COL8A1: variants seen among roughly 807,000 people sequenced by gnomAD.
The protein encoded by COL8A1 is collagen alpha-1(VIII) chain.
Under a neutral mutation model 42.7 loss-of-function variants are expected in COL8A1, and 21 were observed. The observed-to-expected ratio is 0.49, with a 90% CI of 0.35 to 0.71. COL8A1 has a LOEUF of 0.71. COL8A1 is among the 30% of genes least tolerant of loss of function. The probability of loss-of-function intolerance (pLI) is 0.01; values close to 1 mark genes in which losing one functional copy is unlikely to be tolerated. For synonymous variants in COL8A1, 367 were observed against 369.1 expected, an observed-to-expected ratio of 0.99 and a Z score of 0.06; for missense variants, 788 against 962.4, an observed-to-expected ratio of 0.82 and a Z score of 2.40.
chr3:99,754,970 G>C (rs1289583669), intron 2 of COL8A1, among the ~76,000 whole-genome samples: 1 of 152,132 alleles, frequency 6.6e-6, no homozygotes, highest in Non-Finnish European at 1.5e-5. Context: ...AGAGTCAGAG[G>C]AATAATGGGT....
At chr3:99,710,166 A>G (rs1939795551) in intron 1 of COL8A1, among the ~76,000 whole-genome samples, 1 of 152,192 alleles carries the variant, frequency 6.6e-6, no homozygotes, top group South Asian at 2.1e-4. Context: ...TATATGTTAA[A>G]CTAGAAGAAG....
At chr3:99,733,151 A>AAACTTTCCTTTTT (rs1940576791) in intron 1 of COL8A1, among the ~76,000 whole-genome samples, 1 of 86,416 alleles carries the variant, frequency 1.2e-5, no homozygotes, top group Non-Finnish European at 2.6e-5. Context: ...TCTTTTTTTT[A>AAACTTTCCTTTTT]TTATTATTAT....
intron 1 of COL8A1, among the ~76,000 whole-genome samples, chr3:99,657,457 AT>A (rs1385621737): frequency 1.3e-5 from 2 of 152,228 alleles, no homozygotes; most frequent in Non-Finnish European, 2.9e-5. Context: ...GGCTAGCGGC[AT>A]CTTTTAGCTG....
At chr3:99,643,245 A>G (rs145042638) in intron 1 of COL8A1, among the ~76,000 whole-genome samples, 545 of 152,288 alleles carry the variant, frequency 3.6e-3, no homozygotes, top group African/African-American at 0.011. Context: ...GGCACTTAAC[A>G]TACAGGGCTC....
At chr3:99,664,527 T>C (rs1364943323) in intron 1 of COL8A1, among the ~76,000 whole-genome samples, 2 of 152,056 alleles carry the variant, frequency 1.3e-5, no homozygotes, top group East Asian at 1.9e-4. Context: ...TCAAATTCAA[T>C]GCAAATCTTT....
intron 1 of COL8A1, among the ~76,000 whole-genome samples, chr3:99,644,828 T>TA (rs1178720483): frequency 6.6e-6 from 1 of 152,198 alleles, no homozygotes; most frequent in Non-Finnish European, 1.5e-5. Flanking sequence ...GGGTGTCAGC[T>TA]GTCAACTTCT....
intron 2 of COL8A1, among the ~76,000 whole-genome samples, chr3:99,786,465 TG>T (rs1454434758): frequency 6.6e-6 from 1 of 152,108 alleles, no homozygotes; most frequent in Non-Finnish European, 1.5e-5. Context: ...AACCAGAAAG[TG>T]GGTCTTCACT....
intron 1 of COL8A1, among the ~76,000 whole-genome samples, chr3:99,687,416 T>G (rs578225624): frequency 6.6e-6 from 1 of 152,198 alleles, no homozygotes; most frequent in Non-Finnish European, 1.5e-5. Context: ...TTACTTATCC[T>G]TATCTGTTCA....
intron 2 of COL8A1, among the ~76,000 whole-genome samples, chr3:99,751,726 T>C (rs1559626995): frequency 1.3e-5 from 2 of 152,152 alleles, no homozygotes; most frequent in Admixed American, 6.6e-5. Flanking sequence ...TCCTACGCAA[T>C]GAAGGAAAGA....
intron 1 of COL8A1, among the ~76,000 whole-genome samples, chr3:99,713,674 G>T (rs1282357211): frequency 6.6e-6 from 1 of 152,036 alleles, no homozygotes; most frequent in Admixed American, 6.6e-5. Context: ...GCTGTCATGA[G>T]CCCTGTTTAA....
Position 99,794,606 on chromosome 3 carries a change from C to T in COL8A1, c.705C>T (p.Gly235=), listed in dbSNP as rs767354430. ...CCAAAGGACTACCAGGACCTCAAGG[C>T]CTTCGGGGTCCTAAAGGAGACAAGG... ...RGPKGLPGPQ[G]LRGPKGDKGF... is the part of the protein sequence containing the mutation. The change falls in exon 4 of 4, where the codon GGC becomes GGT. Residue 235 remains glycine (G), a synonymous_variant. Coordinates refer to ENST00000652472, the MANE Select transcript of COL8A1 (RefSeq NM_020351.4). This position sits in a 1 kb window ranked among gnomAD's most constrained non-coding sequence, Gnocchi z 4.3. 3.7e-6 allele frequency: 6 copies of T among 1,613,290 alleles called. No homozygotes were observed. The highest frequency in any genetic ancestry group is 2.2e-5 in the East Asian group (1 of 44,862).
chr3:99,722,935 A>C (rs1049409425), intron 1 of COL8A1, among the ~76,000 whole-genome samples: 25 of 151,980 alleles, frequency 1.6e-4, no homozygotes, highest in African/African-American at 5.8e-4. Flanking sequence ...GAAATTACTT[A>C]TGGAAACACA....
intron 1 of COL8A1, chr3:99,706,952 T>G (rs1221871943): frequency 6.6e-6 from 1 of 152,192 alleles, no homozygotes; most frequent in Non-Finnish European, 1.5e-5. Context: ...TATATACATG[T>G]TTTCAAATGT....
At chr3:99,678,817 T>C (rs1938779403) in intron 1 of COL8A1, 1 of 152,182 alleles carries the variant, frequency 6.6e-6, no homozygotes. Flanking sequence ...TATTAGATAG[T>C]ATTTTTCACA....
chr3:99,723,328 G>A (rs941599961), intron 1 of COL8A1, among the ~76,000 whole-genome samples: 8 of 152,042 alleles, frequency 5.3e-5, no homozygotes, highest in African/African-American at 1.7e-4. Flanking sequence ...CAGGGTGGTT[G>A]AGGTAGAGAC....
chr3:99,744,393 A>T (rs1223315797), intron 1 of COL8A1, among the ~76,000 whole-genome samples: 1 of 152,254 alleles, frequency 6.6e-6, no homozygotes, highest in Non-Finnish European at 1.5e-5. Flanking sequence ...TTATTCAACT[A>T]GTTAAATTGT....
chr3:99,718,116 C>G (rs913899108), intron 1 of COL8A1, among the ~76,000 whole-genome samples: 4 of 151,948 alleles, frequency 2.6e-5, no homozygotes, highest in East Asian at 3.9e-4. Context: ...ACTTTTCTGG[C>G]CTTAATCAAA....
intron 1 of COL8A1, among the ~76,000 whole-genome samples, chr3:99,743,422 C>T (rs544167664): frequency 6.6e-6 from 1 of 152,266 alleles, no homozygotes; most frequent in African/African-American, 2.4e-5. Flanking sequence ...CATTGTGTAG[C>T]CTCTGTAGGG....
intron 1 of COL8A1, among the ~76,000 whole-genome samples, chr3:99,639,157 A>C (rs1370598590): frequency 6.6e-6 from 1 of 152,166 alleles, no homozygotes; most frequent in Non-Finnish European, 1.5e-5. Context: ...ATATCTTTCC[A>C]GGTTTTAGCG....
Sources: allele counts gnomAD v4.1 joint callset (sites outside exome capture counted in the v4.1 genomes callset), GRCh38; gene constraint gnomAD v4.1.1; non-coding constraint Gnocchi (gnomAD v3.1); transcripts MANE v1.5; gene names NCBI Gene and HGNC (gene_info 2026-07-23, HGNC 2026-07-21).